DLGAP2: variants seen among roughly 807,000 people sequenced by gnomAD.
The protein encoded by DLGAP2 is disks large-associated protein 2.
A neutral mutation model predicts 100.3 loss-of-function variants in DLGAP2; 26 were observed. The observed-to-expected ratio is 0.26, with a 90% CI of 0.19 to 0.36. The LOEUF (loss-of-function observed/expected upper bound fraction) is 0.36, where lower values mean the gene tolerates loss of function less well. Ranked by LOEUF, DLGAP2 falls within the 10% of genes least tolerant of loss-of-function variation. The pLI is 1.00. For synonymous variants in DLGAP2, 886 were observed against 630.1 expected (o/e 1.41, Z -6.08); for missense variants, 1,858 against 1,453.2 (o/e 1.28, Z -4.53).
intron 2 of DLGAP2, among the ~76,000 whole-genome samples, chr8:1,233,524 C>G (rs1219208162): frequency 6.6e-6 from 1 of 152,158 alleles, no homozygotes; most frequent in African/African-American, 2.4e-5. Context: ...AGCTGGAGCC[C>G]TGTGATGTGA....
intron 2 of DLGAP2, among the ~76,000 whole-genome samples, chr8:1,063,589 C>G (rs1803155371): frequency 7.1e-6 from 1 of 140,140 alleles, no homozygotes; most frequent in Non-Finnish European, 1.5e-5. Flanking sequence ...ATGGTATTGT[C>G]TAGCCTCTTT....
At chr8:814,016 C>T (rs902923876) in intron 1 of DLGAP2, among the ~76,000 whole-genome samples, 2 of 151,986 alleles carry the variant, frequency 1.3e-5, no homozygotes, top group African/African-American at 2.4e-5. Flanking sequence ...TAATGGTGAC[C>T]TCCTATTAAA....
Position 1,313,514 on chromosome 8 carries a change from G to A in DLGAP2, c.106+54631G>A, listed in dbSNP as rs577453351. 3.9e-5 allele frequency among the ~76,000 whole-genome samples: 6 copies of A among 152,172 alleles called. No individual in the cohort carries two copies. The East Asian group carries it at 9.7e-4, about 25-fold the overall frequency. On this transcript the variant is annotated intron_variant, in intron 3 of 14. Coordinates refer to ENST00000637795, the MANE Select transcript of DLGAP2 (RefSeq NM_001346810.2). Reference sequence around the variant, plus strand: ...TCCGGAATTTTGATAAACCTTTGAAGAAAAATCAAGAATGGACAAACAGTA... The same window carrying A: ...TCCGGAATTTTGATAAACCTTTGAAAAAAAATCAAGAATGGACAAACAGTA...
At chr8:1,482,357 C>T (rs191988913) in intron 3 of DLGAP2, among the ~76,000 whole-genome samples, 97 of 152,324 alleles carry the variant, frequency 6.4e-4, no homozygotes, top group African/African-American at 2.3e-3. Context: ...TAATCTCCAC[C>T]CTCTGTCTGT....
At chr8:1,444,315 G>T (rs1005840388) in intron 3 of DLGAP2, among the ~76,000 whole-genome samples, 1 of 152,152 alleles carries the variant, frequency 6.6e-6, no homozygotes, top group African/African-American at 2.4e-5. Context: ...ATATTAATGG[G>T]CACTTACACG....
intron 3 of DLGAP2, among the ~76,000 whole-genome samples, chr8:1,265,768 G>A (rs1428240059): frequency 6.6e-6 from 1 of 152,118 alleles, no homozygotes; most frequent in Non-Finnish European, 1.5e-5. Context: ...AGATGATGTT[G>A]GAATAATGTC....
At chr8:759,264 C>T (rs1338948006) in intron 1 of DLGAP2, among the ~76,000 whole-genome samples, 1 of 147,868 alleles carries the variant, frequency 6.8e-6, no homozygotes. Context: ...GTTGTCAATA[C>T]CCCCCACAGC....
At chr8:944,287 G>A (rs937074185) in intron 2 of DLGAP2, among the ~76,000 whole-genome samples, 19 of 151,096 alleles carry the variant, frequency 1.3e-4, no homozygotes, top group African/African-American at 4.6e-4. Flanking sequence ...ATTGTAACCA[G>A]CCCATGTGGG....
chr8:1,246,499 C>T (rs994671362), intron 2 of DLGAP2, among the ~76,000 whole-genome samples: 1 of 152,166 alleles, frequency 6.6e-6, no homozygotes, highest in Non-Finnish European at 1.5e-5. Flanking sequence ...AGCACAGAGC[C>T]ATTGGATTTG....
intron 3 of DLGAP2, among the ~76,000 whole-genome samples, chr8:1,316,253 CT>C (rs1800745059): frequency 1.5e-5 from 2 of 131,098 alleles, no homozygotes; most frequent in South Asian, 2.6e-4. Context: ...AACTCGGCAG[CT>C]TTTAAAAATA....
chr8:1,181,670 T>G lies in DLGAP2; in HGVS notation c.74-77181T>G, dbSNP rs79668238. On this transcript the variant is annotated intron_variant, in intron 2 of 14. Coordinates refer to ENST00000637795, the MANE Select transcript of DLGAP2 (RefSeq NM_001346810.2). ...TACTTCTAAAACAAACCTGCCCATT[T>G]ACCCCTGAACTTTAAAGTTAAATAA... Among the ~76,000 whole-genome samples, 691 of 152,288 alleles carry G rather than the reference T, an allele frequency of 4.5e-3. 7 individuals carry two copies. The highest frequency in any genetic ancestry group is 0.016 in the African/African-American group (662 of 41,574).
chr8:1,459,218 A>G (rs1374767773), intron 3 of DLGAP2, among the ~76,000 whole-genome samples: 1 of 136,592 alleles, frequency 7.3e-6, no homozygotes, highest in Non-Finnish European at 1.6e-5. Context: ...GGGTCACCCT[A>G]CAAGACCAGC....
chr8:1,313,825 C>G (rs1800667117), intron 3 of DLGAP2, among the ~76,000 whole-genome samples: 1 of 152,148 alleles, frequency 6.6e-6, no homozygotes, highest in Admixed American at 6.5e-5. Flanking sequence ...GGCGCCAAAA[C>G]TGAACCTTGA....
intron 3 of DLGAP2, among the ~76,000 whole-genome samples, chr8:1,464,031 A>G (rs1798535632): frequency 6.6e-6 from 1 of 152,252 alleles, no homozygotes; most frequent in African/African-American, 2.4e-5. Context: ...TGGGAAAAAA[A>G]GGGAAATCAA....
chr8:1,220,823 C>T (rs1798301083), intron 2 of DLGAP2, among the ~76,000 whole-genome samples: 1 of 152,124 alleles, frequency 6.6e-6, no homozygotes. Context: ...GTTAAGCCTT[C>T]TTGTTGAATT....
intron 2 of DLGAP2, among the ~76,000 whole-genome samples, chr8:1,211,929 A>G (rs1197415615): frequency 1.3e-5 from 2 of 152,224 alleles, no homozygotes; most frequent in Non-Finnish European, 2.9e-5. Flanking sequence ...CATCGCTTTC[A>G]GTGCTCCTCG....
intron 2 of DLGAP2, among the ~76,000 whole-genome samples, chr8:1,177,394 G>C (rs1047350848): frequency 6.6e-6 from 1 of 152,024 alleles, no homozygotes; most frequent in East Asian, 1.9e-4. Context: ...CTCCTGGCCC[G>C]AGTTCTGCCA....
chr8:1,173,111 C>T lies in DLGAP2; in HGVS notation c.74-85740C>T, dbSNP rs184539844. 3.9e-5 allele frequency among the ~76,000 whole-genome samples: 6 copies of T among 152,340 alleles called. No homozygotes were observed. In the East Asian group the frequency reaches 1.2e-3, roughly 29 times the overall value. On this transcript the variant is annotated intron_variant, in intron 2 of 14. Coordinates refer to ENST00000637795, the MANE Select transcript of DLGAP2 (RefSeq NM_001346810.2). ...TTTTCCTTCTAAGAGACAGGACCCT[C>T]AGCTGCAGGTCTGTTGGAGTTTGCT...
At chr8:1,674,056 C>G (rs1798753762) in intron 10 of DLGAP2, among the ~76,000 whole-genome samples, 1 of 152,118 alleles carries the variant, frequency 6.6e-6, no homozygotes, top group African/African-American at 2.4e-5. Context: ...TTAGAACCAT[C>G]TTTATTTTTT....
Sources: gnomAD v4.1 joint callset for allele counts (sites outside exome capture counted in the v4.1 genomes callset) on GRCh38, gnomAD v4.1.1 for gene constraint, MANE v1.5 for transcripts, NCBI Gene and HGNC (gene_info 2026-07-23, HGNC 2026-07-21) for gene names.